The following CCDC180 variants were observed in gnomAD, a reference collection of about 807,000 sequenced individuals.
CCDC180 encodes the protein coiled-coil domain-containing protein 180.
CCDC180 carries 154 observed loss-of-function variants against 209.2 expected under a neutral mutation model. The ratio of observed to expected loss-of-function variants is 0.74; its 90% CI spans 0.65 to 0.84. The LOEUF (loss-of-function observed/expected upper bound fraction) is 0.84. Ranked by LOEUF, CCDC180 falls within the 40% of genes least tolerant of loss-of-function variation. The pLI, the probability that CCDC180 is intolerant of heterozygous loss-of-function variation, is 0.00. For missense variants in CCDC180, 1,874 were observed against 1,997.3 expected (o/e 0.94, Z 1.18); for synonymous variants, 778 against 749.1 (o/e 1.04, Z -0.63).
At chr9:97,309,321 G>A in intron 2 of CCDC180, 93 bp from the exon 3 acceptor site, 2 of 1,292,196 alleles carry the variant, frequency 1.5e-6, no homozygotes, top group Non-Finnish European at 2.1e-6. Flanking sequence ...GCAGCTCTCT[G>A]GATGTCTTTC....
chr9:97,307,940 G>A, intron 1 of CCDC180, 43 bp from the exon 2 acceptor site: 1 of 1,582,130 alleles, frequency 6.3e-7, no homozygotes, highest in Non-Finnish European at 8.6e-7. Flanking sequence ...CGTCCCGCCT[G>A]GACCTGAACC....
rs1248298263 is a variant in CCDC180, at chr9:97,334,150, A to T, written c.2274+3383A>T. On this transcript the variant is annotated intron_variant, in intron 18 of 36. Transcript: ENST00000529487. The stretch of plus-strand genomic sequence containing the variant: ...CACTGTGAGGCAAATATTATTAATT[A>T]TTCTCTTTTTAGAAGCATGCAAAAC... Among the ~76,000 whole-genome samples the T allele has an allele frequency of 2.0e-5, 3 of 152,186 alleles. No homozygotes were observed. The East Asian group carries it at 5.8e-4, about 29-fold the overall frequency.
intron 18 of CCDC180, among the ~76,000 whole-genome samples, chr9:97,340,009 C>G (rs1169306726): frequency 1.3e-5 from 2 of 152,208 alleles, no homozygotes; most frequent in Non-Finnish European, 2.9e-5. Context: ...TCAGCTCCAC[C>G]AGGTCATTTA....
intron 28 of CCDC180, 134 bp from the exon 29 acceptor site, chr9:97,363,917 C>A (rs1248653958): frequency 4.0e-6 from 3 of 753,652 alleles, no homozygotes; most frequent in Non-Finnish European, 6.9e-6. Flanking sequence ...AAGGGCTAGG[C>A]CCTAGAAATG....
At chr9:97,326,096 A>G (rs1207105528) in intron 14 of CCDC180, among the ~76,000 whole-genome samples, 2 of 152,228 alleles carry the variant, frequency 1.3e-5, no homozygotes, top group Admixed American at 1.3e-4. Context: ...GTTGGGAATC[A>G]TTTCAAAGCT....
rs551390148 is a variant in CCDC180, at chr9:97,309,655, T to G, written c.260+51T>G. On this transcript the variant is annotated intron_variant, in intron 3 of 36. Transcript: ENST00000529487. ...CCCCATGCACTAGGGTACCTGAGCC[T>G]TCAAAAACTCAAAAAGAGCCAGCAC... is the stretch of plus-strand genomic sequence containing the variant. 139 of 1,428,384 alleles carry G rather than the reference T, an allele frequency of 9.7e-5. 1 individual carries two copies. The East Asian group carries it at 3.7e-3, about 38-fold the overall frequency. 88.5% of individuals were successfully genotyped at this position (1,428,384 alleles called of 1,614,324 possible).
In CCDC180 at chr9:97,354,482, A is replaced by G. The variant is rs2118837905; in HGVS notation, c.3003-87A>G. ...TGAACTCTAACCGGAAGCCTAGATTAAAAGTGTGTGTCAGCCACAGTATTT... is the reference window on the plus strand; with the variant it reads ...TGAACTCTAACCGGAAGCCTAGATTGAAAGTGTGTGTCAGCCACAGTATTT... On this transcript the variant is annotated intron_variant, in intron 22 of 36. Transcript: ENST00000529487. The G allele has an allele frequency of 3.7e-6, 5 of 1,360,380 alleles. No homozygotes were observed. In the East Asian group the frequency reaches 9.2e-5, roughly 25 times the overall value. 84.3% of individuals were successfully genotyped at this position (1,360,380 alleles called of 1,614,324 possible).
intron 18 of CCDC180, among the ~76,000 whole-genome samples, chr9:97,335,564 A>C (rs1381654090): frequency 2.0e-5 from 3 of 152,174 alleles, no homozygotes; most frequent in Non-Finnish European, 4.4e-5. Flanking sequence ...ACATTTTCTT[A>C]ATCCAGTCTA....
At position 97,333,503 on chromosome 9, in the gene CCDC180, GTTTTTTTTTT is replaced by G. The variant is rs373215367; in HGVS notation, c.2274+2753_2274+2762del. On this transcript the variant is annotated intron_variant, in intron 18 of 36. Coordinates refer to ENST00000529487, the MANE Select transcript of CCDC180 (RefSeq NM_020893.6). ...TGAATCCATTTGGTCCTGGGTTTGGGTTTTTTTTTTTTTTTTTTTTTTTTTTGGTTTGTAG... is the reference window on the plus strand; with the variant it reads ...TGAATCCATTTGGTCCTGGGTTTGGGTTTTTTTTTTTTTTTTGGTTTGTAG... Among the ~76,000 whole-genome samples, 3 of 72,830 alleles carry G rather than the reference GTTTTTTTTTT, an allele frequency of 4.1e-5. No homozygotes were observed. In the East Asian group the frequency reaches 1.2e-3, roughly 28 times the overall value. The allele number at this position is 72,830 out of a possible 152,430, so 47.8% of individuals were successfully genotyped here.
chr9:97,347,454 A>G lies in CCDC180; in HGVS notation c.2639A>G (p.Gln880Arg). 6.5e-7 allele frequency: 1 copy of G among 1,536,188 alleles called. No homozygotes were observed. The highest frequency in any genetic ancestry group is 2.0e-5 in the Admixed American group (1 of 51,010). Residue 880 changes from glutamine to arginine, a missense_variant, in exon 20 of 37, where the codon CAG (glutamine) becomes CGG (arginine). Gln to Arg is a conservative substitution (Grantham distance 43). Transcript: ENST00000529487. Reference sequence around the variant, plus strand: ...CTGCACCTGCACCAGCCAAGAGCCCAGCAGATTGAAAAAGACATCCACAAC... The same window carrying G: ...CTGCACCTGCACCAGCCAAGAGCCCGGCAGATTGAAAAAGACATCCACAAC... ...LHLHLHQPRA[Q>R]QIEKDIHNVR...
At chr9:97,335,362 T>C (rs1825869846) in intron 18 of CCDC180, among the ~76,000 whole-genome samples, 1 of 152,116 alleles carries the variant, frequency 6.6e-6, no homozygotes, top group Non-Finnish European at 1.5e-5. Flanking sequence ...TGGTGTGTGA[T>C]GTTCCCCACC....
At chr9:97,370,927 T>G in intron 33 of CCDC180, 149 bp downstream of exon 33, 13 of 600,546 alleles carry the variant, frequency 2.2e-5, no homozygotes, top group Middle Eastern at 4.7e-4. Context: ...AAATGGCCAT[T>G]ATTGGCTGTT....
chr9:97,322,922 G>A lies in CCDC180; in HGVS notation c.1248+1G>A, dbSNP rs774642044. 2.5e-6 allele frequency: 4 copies of A among 1,613,254 alleles called. No homozygotes were observed. The highest frequency in any genetic ancestry group is 2.7e-5 in the African/African-American group (2 of 74,910). ...CCTGATGCATGTGCAGAATTGTAAG[G>A]TGGGCACCCTTCCTGCAGGCCTGAG... On this transcript the variant is annotated splice_donor_variant, in intron 12 of 36. Coordinates refer to ENST00000529487, the MANE Select transcript of CCDC180 (RefSeq NM_020893.6). LOFTEE classifies it high-confidence loss of function.
chr9:97,323,880 G>A lies in CCDC180; in HGVS notation c.1348G>A (p.Glu450Lys). The stretch of plus-strand genomic sequence containing the variant: ...GGTGGGAGCACTCCAGGGCAAAGTG[G>A]AGGAGGACCTGGAGCTCTTGGACGT... ...QMVGALQGKV[E>K]EDLELLDKSF... The change falls in exon 13 of 37, where the codon GAG becomes AAG. Residue 450 changes from glutamate to lysine, a missense_variant. By Grantham distance (56) the Glu-to-Lys change is moderately conservative. Transcript: ENST00000529487. The A allele has an allele frequency of 2.6e-6, 4 of 1,554,948 alleles. No individual in the cohort carries two copies. The highest frequency in any genetic ancestry group is 3.5e-6 in the Non-Finnish European group (4 of 1,148,796).
intron 31 of CCDC180, among the ~76,000 whole-genome samples, chr9:97,368,368 C>G (rs1826984665): frequency 6.6e-6 from 1 of 152,068 alleles, no homozygotes; most frequent in East Asian, 1.9e-4. Context: ...GTATTGGGAA[C>G]AAGAGACAAA....
In CCDC180 at chr9:97,349,207, A is replaced by G; in HGVS notation, c.2771A>G (p.Glu924Gly). 1 of 1,536,616 alleles carries G rather than the reference A, an allele frequency of 6.5e-7. No individual in the cohort carries two copies. Among genetic ancestry groups the G allele is most frequent in the South Asian group, 1.2e-5 (1 of 84,052 alleles). Reference sequence around the variant, plus strand: ...CGGCTGATGTTCTGCCAGTTCCAAGAAGAGCAAAACGTGAGGAGCAAAAAC... The same window carrying G: ...CGGCTGATGTTCTGCCAGTTCCAAGGAGAGCAAAACGTGAGGAGCAAAAAC... ...KKRLMFCQFQ[E>G]EQNVRSKNFR... Residue 924 changes from glutamate to glycine, a missense_variant, in exon 21 of 37, where the codon GAA becomes GGA. Transcript: ENST00000529487.
At chr9:97,334,518 C>G (rs1465195127) in intron 18 of CCDC180, among the ~76,000 whole-genome samples, 1 of 152,220 alleles carries the variant, frequency 6.6e-6, no homozygotes. Context: ...TGTCACTAAG[C>G]TAACTGCCTT....
intron 3 of CCDC180, among the ~76,000 whole-genome samples, chr9:97,311,662 A>G (rs1231536517): frequency 6.6e-6 from 1 of 152,160 alleles, no homozygotes; most frequent in Non-Finnish European, 1.5e-5. Flanking sequence ...TGTGGTTCCT[A>G]TAAGCCCCAT....
chr9:97,363,328 C>CTG (rs1826820908), intron 28 of CCDC180, among the ~76,000 whole-genome samples: 1 of 152,182 alleles, frequency 6.6e-6, no homozygotes, highest in Non-Finnish European at 1.5e-5. Context: ...TGGACTGTCC[C>CTG]CAAAGATGAC....
Sources: gnomAD v4.1 joint callset for allele counts (sites outside exome capture counted in the v4.1 genomes callset) on GRCh38, gnomAD v4.1.1 for gene constraint, MANE v1.5 for transcripts, NCBI Gene and HGNC (gene_info 2026-07-23, HGNC 2026-07-21) for gene names.